The following LRBA variants were observed in gnomAD, a reference collection of about 807,000 sequenced individuals.
LRBA encodes lipopolysaccharide-responsive and beige-like anchor protein.
Under a neutral mutation model 330.0 loss-of-function variants are expected in LRBA, and 176 were observed. The ratio of observed to expected loss-of-function variants is 0.53; its 90% CI spans 0.47 to 0.60. The LOEUF is 0.60. Ranked by LOEUF, LRBA falls within the 20% of genes least tolerant of loss-of-function variation. The pLI, the probability that LRBA is intolerant of heterozygous loss-of-function variation, is 0.00. For synonymous variants in LRBA, 1,230 were observed against 1,193.0 expected, an observed-to-expected ratio of 1.03 and a Z score of -0.64; for missense variants, 3,259 against 3,444.8, an observed-to-expected ratio of 0.95 and a Z score of 1.35.
intron 2 of LRBA, among the ~76,000 whole-genome samples, chr4:150,946,502 A>G (rs1171291202): frequency 6.6e-6 from 1 of 152,172 alleles, no homozygotes; most frequent in Non-Finnish European, 1.5e-5. Context: ...CTTGGAAACT[A>G]TTACACTCCT....
At chr4:150,682,732 C>A (rs1473776659) in intron 37 of LRBA, among the ~76,000 whole-genome samples, 1 of 151,932 alleles carries the variant, frequency 6.6e-6, no homozygotes, top group Non-Finnish European at 1.5e-5. Context: ...ATATAATATA[C>A]AAGTAATTTA....
chr4:150,916,422 T>C lies in LRBA; in HGVS notation c.873A>G (p.Lys291=), dbSNP rs768210794. 1 of 1,613,116 alleles carries C rather than the reference T, an allele frequency of 6.2e-7. No individual in the cohort carries two copies. The highest frequency in any genetic ancestry group is 8.5e-7 in the Non-Finnish European group (1 of 1,179,690). ...SKGKGFQHCV[K]FDFKPQKWYM... ...GTACCTTTTGTGGCTTGAAATCAAA[T>C]TTCACACAGTGTTGAAAGCCTTTTC... is the stretch of plus-strand genomic sequence containing the variant. Residue 291 remains lysine, a synonymous_variant, in exon 7 of 57, where the codon AAA becomes AAG. Coordinates refer to ENST00000651943, the MANE Select transcript of LRBA (RefSeq NM_001364905.1).
intron 55 of LRBA, among the ~76,000 whole-genome samples, chr4:150,278,448 G>A (rs1033408726): frequency 7.4e-5 from 10 of 135,024 alleles, no homozygotes; most frequent in Non-Finnish European, 1.3e-4. Flanking sequence ...GCGGCCAGCA[G>A]CCTCGGCACC....
Position 150,873,388 on chromosome 4 carries a change from C to G in LRBA, c.2166-633G>C, listed in dbSNP as rs916408619. On this transcript the variant is annotated intron_variant, in intron 17 of 56. Transcript: ENST00000651943. ...GGCAGATCACCTGAAGTCAGGAGTT[C>G]GAGACCAGCCTAGCCAACATGGTGA... Among the ~76,000 whole-genome samples, 3 of 151,992 alleles carry G rather than the reference C, an allele frequency of 2.0e-5. No homozygotes were observed. In the South Asian group the frequency reaches 6.2e-4, roughly 31 times the overall value.
At chr4:150,385,676 G>A (rs1220251855) in intron 47 of LRBA, among the ~76,000 whole-genome samples, 1 of 152,086 alleles carries the variant, frequency 6.6e-6, no homozygotes, top group Admixed American at 6.6e-5. Flanking sequence ...AGAAATGAGG[G>A]GTTGAAAGCT....
chr4:150,883,438 C>T (rs558120612), intron 17 of LRBA, among the ~76,000 whole-genome samples: 3 of 152,102 alleles, frequency 2.0e-5, no homozygotes, highest in South Asian at 4.1e-4. Context: ...CCAGCCTGGG[C>T]GACAGAGTGA....
intron 44 of LRBA, among the ~76,000 whole-genome samples, chr4:150,447,039 C>T (rs938224636): frequency 2.0e-5 from 3 of 152,110 alleles, no homozygotes; most frequent in Admixed American, 1.3e-4. Flanking sequence ...ATTTAGAAAC[C>T]ACTGCACCTG....
chr4:150,301,550 C>G (rs1560984486), intron 53 of LRBA, among the ~76,000 whole-genome samples: 1 of 152,028 alleles, frequency 6.6e-6, no homozygotes, highest in African/African-American at 2.4e-5. Flanking sequence ...AAAAATACTT[C>G]ACACACACTT....
rs569819610 is a variant in LRBA, at chr4:150,736,195, C to G, written c.5646-829G>C. Among the ~76,000 whole-genome samples the G allele has an allele frequency of 1.1e-3, 166 of 152,244 alleles. 1 individual carries two copies. Among genetic ancestry groups the G allele is most frequent in the Admixed American group, 4.6e-3 (71 of 15,280 alleles). On this transcript the variant is annotated intron_variant, in intron 35 of 56. Coordinates refer to ENST00000651943, the MANE Select transcript of LRBA (RefSeq NM_001364905.1). ...ATACAATCGGCCATTAGTCTAACTG[C>G]TAATCAGAAACCAAAAGGAAGTCCT...
At chr4:150,288,337 A>G (rs898170002) in intron 53 of LRBA, among the ~76,000 whole-genome samples, 6 of 151,232 alleles carry the variant, frequency 4.0e-5, no homozygotes, top group Non-Finnish European at 7.4e-5. Flanking sequence ...GCCGGGCGCA[A>G]TGGCTCACGC....
intron 36 of LRBA, among the ~76,000 whole-genome samples, chr4:150,714,392 T>A (rs997248250): frequency 3.3e-5 from 5 of 152,200 alleles, no homozygotes; most frequent in Non-Finnish European, 7.4e-5. Context: ...GTTTTAACGA[T>A]GTTTACAATT....
At chr4:150,835,498 T>C (rs182018477) in intron 28 of LRBA, among the ~76,000 whole-genome samples, 5 of 152,334 alleles carry the variant, frequency 3.3e-5, no homozygotes, top group Admixed American at 6.5e-5. Flanking sequence ...TGATTTGTAG[T>C]TCTCCTTGAA....
chr4:150,566,230 A>T (rs1217346149), intron 40 of LRBA, among the ~76,000 whole-genome samples: 1 of 152,186 alleles, frequency 6.6e-6, no homozygotes, highest in Non-Finnish European at 1.5e-5. Flanking sequence ...CTAAAAAAAT[A>T]AAAATAAAAG....
rs192350593 is a variant in LRBA at position 150,991,208 on chromosome 4, A to G, written c.216+23219T>C. Among the ~76,000 whole-genome samples the G allele has an allele frequency of 1.3e-3, 196 of 152,310 alleles. 1 individual carries two copies. Among genetic ancestry groups the G allele is most frequent in the Non-Finnish European group, 2.2e-3 (148 of 68,026 alleles). ...TAAAATTTAAAACACTGATAATACCAAGTGCTGACAAGGATGGAGAACAAC... is the reference window on the plus strand; with the variant it reads ...TAAAATTTAAAACACTGATAATACCGAGTGCTGACAAGGATGGAGAACAAC... On this transcript the variant is annotated intron_variant, in intron 2 of 56. Transcript: ENST00000651943.
intron 31 of LRBA, among the ~76,000 whole-genome samples, chr4:150,814,947 A>C (rs566143900): frequency 1.3e-5 from 2 of 152,132 alleles, no homozygotes; most frequent in East Asian, 3.9e-4. Flanking sequence ...ATACTGTTAC[A>C]TGTAAAATAT....
Position 150,427,578 on chromosome 4 carries a change from AGAAG to A in LRBA, c.7041+8007_7041+8010del, listed in dbSNP as rs968560808. On this transcript the variant is annotated intron_variant, in intron 46 of 56. Coordinates refer to ENST00000651943, the MANE Select transcript of LRBA (RefSeq NM_001364905.1). ...AAAAGAAGAGAGGCTGGCAAAAAAC[AGAAG>A]GAAGGAGGGAAGATAGGAAGGAGAA... Among the ~76,000 whole-genome samples, 217 of 152,114 alleles carry A rather than the reference AGAAG, an allele frequency of 1.4e-3. 1 individual carries two copies. The highest frequency in any genetic ancestry group is 4.8e-3 in the African/African-American group (201 of 41,566).
At position 150,816,623 on chromosome 4, in the gene LRBA, C is replaced by T. The variant is rs551733264; in HGVS notation, c.5305+501G>A. ...TATGACCATTGTTAGAATGATGCTA[C>T]ACTTCAGAGCAGCATTCCTTTCCAA... On this transcript the variant is annotated intron_variant, in intron 31 of 56. Coordinates refer to ENST00000651943, the MANE Select transcript of LRBA (RefSeq NM_001364905.1). 4.6e-5 allele frequency among the ~76,000 whole-genome samples: 7 copies of T among 151,924 alleles called. No homozygotes were observed. In the South Asian group the frequency reaches 1.2e-3, roughly 27 times the overall value.
chr4:150,933,841 C>T (rs1324530916), intron 2 of LRBA, among the ~76,000 whole-genome samples: 1 of 151,684 alleles, frequency 6.6e-6, no homozygotes, highest in African/African-American at 2.4e-5. Context: ...ACCAACATGG[C>T]GAGACCCCAT....
At chr4:150,726,734 G>A (rs1455882746) in intron 36 of LRBA, among the ~76,000 whole-genome samples, 1 of 152,082 alleles carries the variant, frequency 6.6e-6, no homozygotes, top group African/African-American at 2.4e-5. Flanking sequence ...GCCCCCCAGT[G>A]ATCCAATCAC....
Sources: gnomAD v4.1 joint callset for allele counts (sites outside exome capture counted in the v4.1 genomes callset) on GRCh38, gnomAD v4.1.1 for gene constraint, MANE v1.5 for transcripts, NCBI Gene and HGNC (gene_info 2026-07-23, HGNC 2026-07-21) for gene names.